The following MID2 variants were observed in gnomAD, a reference collection of about 807,000 sequenced individuals.
MID2 encodes the protein midline 2.
In MID2, 13 loss-of-function variants were observed where a neutral mutation model predicts 46.1. The observed-to-expected ratio is 0.28, with a 90% CI of 0.18 to 0.45. MID2 has a LOEUF of 0.45. Among genes scored for constraint, MID2 ranks in the 20% least tolerant of loss-of-function variants. The probability of loss-of-function intolerance (pLI) is 1.00; values close to 1 mark genes in which losing one functional copy is unlikely to be tolerated. For missense variants in MID2, 431 were observed against 575.4 expected (o/e 0.75, Z 2.57); for synonymous variants, 199 against 212.3 (o/e 0.94, Z 0.55).
chrX:107,903,812 A>T (rs1050507491), intron 3 of MID2, 146 bp from the exon 4 acceptor site: 9 of 442,571 alleles, frequency 2.0e-5, no homozygotes, highest in Non-Finnish European at 3.7e-5. Flanking sequence ...CATTAATATC[A>T]TCATCTCTAC....
At chrX:107,916,777 A>T (rs1016135808) in intron 6 of MID2, among the ~76,000 whole-genome samples, 1 of 112,785 alleles carries the variant, frequency 8.9e-6, no homozygotes, top group African/African-American at 3.2e-5. Flanking sequence ...CAACAAATCT[A>T]TAAGTTAATT....
At chrX:107,883,359 A>G (rs747256221) in intron 3 of MID2, among the ~76,000 whole-genome samples, 15 of 111,732 alleles carry the variant, frequency 1.3e-4, no homozygotes, top group African/African-American at 4.2e-4. Flanking sequence ...ATTTAAAAAA[A>G]TGCCTCAGCA....
At chrX:107,924,625 T>C in intron 8 of MID2, 121 bp downstream of exon 8, 1 of 764,146 alleles carries the variant, frequency 1.3e-6, no homozygotes, top group Non-Finnish European at 1.9e-6. Context: ...AGAGGAGCTA[T>C]ACTGTTGTAG....
intron 3 of MID2, among the ~76,000 whole-genome samples, chrX:107,881,325 G>C (rs777025442): frequency 8.9e-5 from 10 of 112,410 alleles, no homozygotes; most frequent in Non-Finnish European, 1.7e-4. Context: ...TTGAACTTTT[G>C]AGGTTTGGGT....
At chrX:107,830,196 G>A (rs1180485055) in intron 1 of MID2, among the ~76,000 whole-genome samples, 1 of 112,469 alleles carries the variant, frequency 8.9e-6, no homozygotes, top group Non-Finnish European at 1.9e-5. Context: ...TAGAACTCAA[G>A]CTCTGTCTTT....
chrX:107,916,005 C>T lies in MID2; in HGVS notation c.1077C>T (p.Val359=), dbSNP rs1462234925. ...LQSAKNIAER[V]AMATASSQVL... ...GATGTACTTTTCTCTTTTTCAGGGTCGCTATGGCAACTGCATCTTCTCAAG... is the reference window on the plus strand; with the variant it reads ...GATGTACTTTTCTCTTTTTCAGGGTTGCTATGGCAACTGCATCTTCTCAAG... Residue 359 remains valine (V), a synonymous_variant, in exon 6 of 10, where the codon GTC becomes GTT. Coordinates refer to ENST00000262843, the MANE Select transcript of MID2 (RefSeq NM_012216.4). 2.5e-6 allele frequency: 3 copies of T among 1,202,906 alleles called. No individual in the cohort carries two copies. The highest frequency in any genetic ancestry group is 1.8e-5 in the South Asian group (1 of 55,136).
intron 3 of MID2, among the ~76,000 whole-genome samples, chrX:107,891,758 C>T (rs1932609627): frequency 8.9e-6 from 1 of 112,255 alleles, no homozygotes; most frequent in African/African-American, 3.2e-5. Context: ...CTGATGCTTA[C>T]AAACAGAATT....
chrX:107,843,152 A>T, intron 2 of MID2, among the ~76,000 whole-genome samples: 1 of 112,104 alleles, frequency 8.9e-6, no homozygotes, highest in Non-Finnish European at 1.9e-5. Flanking sequence ...TTATAGGAAG[A>T]GTGGGGGATG....
intron 7 of MID2, among the ~76,000 whole-genome samples, chrX:107,921,119 A>G (rs1467236656): frequency 8.9e-6 from 1 of 111,996 alleles, no homozygotes; most frequent in Non-Finnish European, 1.9e-5. Context: ...TATTACATTT[A>G]ATTGTCGTAT....
At chrX:107,909,862 T>G (rs1490782931) in intron 5 of MID2, among the ~76,000 whole-genome samples, 2 of 112,109 alleles carry the variant, frequency 1.8e-5, no homozygotes, top group Non-Finnish European at 3.8e-5. Flanking sequence ...TCCAGAAGCT[T>G]AAACAAAAGT....
At chrX:107,908,426 A>G (rs1932855085) in intron 5 of MID2, among the ~76,000 whole-genome samples, 1 of 111,440 alleles carries the variant, frequency 9.0e-6, no homozygotes, top group South Asian at 3.7e-4. Flanking sequence ...AGTGTGTTTC[A>G]TTTTGGATAG....
chrX:107,897,283 C>T (rs1386650987), intron 3 of MID2, among the ~76,000 whole-genome samples: 2 of 111,538 alleles, frequency 1.8e-5, no homozygotes, highest in East Asian at 5.6e-4. Flanking sequence ...CTCTACTCTC[C>T]TAATCCCTCA....
intron 1 of MID2, among the ~76,000 whole-genome samples, chrX:107,833,870 T>C (rs759327663): frequency 1.8e-5 from 2 of 111,820 alleles, no homozygotes; most frequent in African/African-American, 6.5e-5. Flanking sequence ...TACGGCTTAC[T>C]GCAGCTTCGA....
chrX:107,888,012 T>C (rs1181537291), intron 3 of MID2, among the ~76,000 whole-genome samples: 1 of 111,670 alleles, frequency 9.0e-6, no homozygotes, highest in Non-Finnish European at 1.9e-5. Context: ...GATTCTTCTC[T>C]CTTTTCTTCT....
At chrX:107,910,790 T>C in intron 5 of MID2, among the ~76,000 whole-genome samples, 2 of 12,304 alleles carry the variant, frequency 1.6e-4, no homozygotes, top group Non-Finnish European at 1.3e-4. Context: ...TTCCTTTCCT[T>C]TCCTTTCCTT....
chrX:107,875,996 C>T (rs1932190302), intron 3 of MID2, among the ~76,000 whole-genome samples: 1 of 112,063 alleles, frequency 8.9e-6, no homozygotes, highest in African/African-American at 3.2e-5. Flanking sequence ...GGCTCTGGAC[C>T]TGGTGACCAG....
chrX:107,917,358 T>G, intron 6 of MID2, 148 bp from the exon 7 acceptor site: 1 of 511,902 alleles, frequency 2.0e-6, no homozygotes. Flanking sequence ...AGCATTTTGC[T>G]TCAGGTTGCA....
intron 1 of MID2, among the ~76,000 whole-genome samples, chrX:107,830,970 T>A (rs546601493): frequency 1.4e-3 from 156 of 111,429 alleles, no homozygotes; most frequent in African/African-American, 5.0e-3. Flanking sequence ...TAGGCAGATA[T>A]AATCCTTTTG....
chrX:107,884,785 C>T (rs1031164812), intron 3 of MID2, among the ~76,000 whole-genome samples: 19 of 112,370 alleles, frequency 1.7e-4, no homozygotes, highest in African/African-American at 5.8e-4. Context: ...GTAACTCTGT[C>T]ATTTGCTAGC....
Sources: gnomAD v4.1 joint callset for allele counts (sites outside exome capture counted in the v4.1 genomes callset) on GRCh38, gnomAD v4.1.1 for gene constraint, MANE v1.5 for transcripts, NCBI Gene and HGNC (gene_info 2026-07-23, HGNC 2026-07-21) for gene names.